THSD4: variants seen among roughly 807,000 people sequenced by gnomAD.
The protein encoded by THSD4 is thrombospondin type-1 domain-containing protein 4.
In THSD4, 69 loss-of-function variants were observed where a neutral mutation model predicts 119.0. The ratio of observed to expected loss-of-function variants is 0.58; its 90% confidence interval spans 0.48 to 0.71. THSD4 has a LOEUF of 0.71. Ranked by LOEUF, THSD4 falls within the 30% of genes least tolerant of loss-of-function variation. THSD4 has a pLI of 0.00. For synonymous variants in THSD4, 524 were observed against 540.4 expected (o/e 0.97, Z 0.42); for missense variants, 1,393 against 1,391.1 (o/e 1.00, Z -0.02).
chr15:71,693,017 A>G (rs931744243), intron 8 of THSD4, among the ~76,000 whole-genome samples: 4 of 152,162 alleles, frequency 2.6e-5, no homozygotes, highest in African/African-American at 9.7e-5. Flanking sequence ...AAAGGGAGAT[A>G]AAAAGGTCTC....
At chr15:71,543,745 G>T (rs1187683764) in intron 7 of THSD4, among the ~76,000 whole-genome samples, 2 of 152,136 alleles carry the variant, frequency 1.3e-5, no homozygotes, top group Non-Finnish European at 2.9e-5. Context: ...TCACAGATGT[G>T]GGCCGGGTGT....
At chr15:71,611,439 A>C (rs2050224900) in intron 7 of THSD4, among the ~76,000 whole-genome samples, 1 of 151,988 alleles carries the variant, frequency 6.6e-6, no homozygotes, top group African/African-American at 2.4e-5. Flanking sequence ...CCCGGCAAAA[A>C]CCCCTATGCT....
intron 6 of THSD4, among the ~76,000 whole-genome samples, chr15:71,360,520 C>T (rs1264348943): frequency 2.6e-5 from 4 of 152,190 alleles, no homozygotes; most frequent in African/African-American, 9.7e-5. Context: ...AAAAAAATCC[C>T]TCTTAGCCAT....
At chr15:71,386,409 C>T (rs573633611) in intron 6 of THSD4, among the ~76,000 whole-genome samples, 1 of 151,978 alleles carries the variant, frequency 6.6e-6, no homozygotes, top group Admixed American at 6.5e-5. Context: ...GAGGACCTGC[C>T]CAAAGCATGT....
chr15:71,651,977 A>T (rs1440202421), intron 7 of THSD4, among the ~76,000 whole-genome samples: 2 of 152,174 alleles, frequency 1.3e-5, no homozygotes, highest in Non-Finnish European at 2.9e-5. Flanking sequence ...GGCCATGGGG[A>T]CGGTCCCGTG....
intron 8 of THSD4, among the ~76,000 whole-genome samples, chr15:71,699,043 A>T: frequency 6.6e-6 from 1 of 152,166 alleles, no homozygotes; most frequent in Non-Finnish European, 1.5e-5. Context: ...ATACTTAAAA[A>T]TGTGTTAAAA....
chr15:71,765,738 A>G (rs2053704659), intron 16 of THSD4, among the ~76,000 whole-genome samples: 1 of 152,036 alleles, frequency 6.6e-6, no homozygotes, highest in Admixed American at 6.5e-5. Flanking sequence ...CCCATCTCTG[A>G]AAAACATTTT....
chr15:71,323,272 ATTT>A (rs2045296745), intron 6 of THSD4, among the ~76,000 whole-genome samples: 1 of 152,142 alleles, frequency 6.6e-6, no homozygotes, highest in Non-Finnish European at 1.5e-5. Flanking sequence ...GCAGGGGGCC[ATTT>A]CAGAAGCTGA....
At chr15:71,594,225 T>C (rs2049864605) in intron 7 of THSD4, among the ~76,000 whole-genome samples, 1 of 151,820 alleles carries the variant, frequency 6.6e-6, no homozygotes, top group South Asian at 2.1e-4. Context: ...TTTTTTTTTT[T>C]CCTGAGATAA....
intron 3 of THSD4, among the ~76,000 whole-genome samples, chr15:71,163,204 A>C (rs961239309): frequency 4.7e-5 from 7 of 148,108 alleles, no homozygotes; most frequent in Non-Finnish European, 9.0e-5. Context: ...TTGCTTTTTC[A>C]TGTTTCTTGT....
chr15:71,221,460 C>T (rs1480614647), intron 4 of THSD4, among the ~76,000 whole-genome samples: 2 of 152,158 alleles, frequency 1.3e-5, no homozygotes, highest in Admixed American at 1.3e-4. Flanking sequence ...CACCGCAGCC[C>T]TTAGCCAACC....
At chr15:71,616,694 C>T (rs892497866) in intron 7 of THSD4, among the ~76,000 whole-genome samples, 33 of 152,296 alleles carry the variant, frequency 2.2e-4, no homozygotes, top group African/African-American at 7.5e-4. Context: ...TGCACCCAGA[C>T]GCAAAGAGCT....
Position 71,681,872 on chromosome 15 carries a change from A to G in THSD4, c.1357+21138A>G, listed in dbSNP as rs575518801. Among the ~76,000 whole-genome samples the G allele has an allele frequency of 4.3e-4, 66 of 152,200 alleles. No individual in the cohort carries two copies. In the South Asian group the frequency reaches 0.011, roughly 25 times the overall value. On this transcript the variant is annotated intron_variant, in intron 8 of 17. Transcript: ENST00000261862. ...ACTTGTATTTCAGACCTAGGCAAGTATGAGGATTGGGCTATTAGATGTTCC... is the reference window on the plus strand; with the variant it reads ...ACTTGTATTTCAGACCTAGGCAAGTGTGAGGATTGGGCTATTAGATGTTCC...
intron 7 of THSD4, among the ~76,000 whole-genome samples, chr15:71,491,074 G>T (rs925370020): frequency 6.6e-6 from 1 of 152,168 alleles, no homozygotes; most frequent in African/African-American, 2.4e-5. Context: ...CCCAAGAAAT[G>T]GAATTACTTT....
At chr15:71,208,790 A>G (rs1472498841) in intron 3 of THSD4, among the ~76,000 whole-genome samples, 4 of 152,032 alleles carry the variant, frequency 2.6e-5, no homozygotes, top group Non-Finnish European at 5.9e-5. Flanking sequence ...GGGAGTACAG[A>G]TATGAGCCAC....
In THSD4 at chr15:71,720,033, T is replaced by C. The variant is rs28741684; in HGVS notation, c.1358-8516T>C. The stretch of plus-strand genomic sequence containing the variant: ...TGTAATAACATGTGCTTTTTTTTTT[T>C]TTCTTTTTTTTTTTTTTTTGAGACA... On this transcript the variant is annotated intron_variant, in intron 8 of 17. Transcript: ENST00000261862. 7.9e-3 allele frequency among the ~76,000 whole-genome samples: 678 copies of C among 86,320 alleles called. 2 individuals carry two copies. The highest frequency in any genetic ancestry group is 0.032 in the Middle Eastern group (4 of 126). The allele number at this position is 86,320 out of a possible 152,430, so 56.6% of individuals were successfully genotyped here.
At chr15:71,279,052 C>T (rs562316832) in intron 6 of THSD4, among the ~76,000 whole-genome samples, 5 of 152,186 alleles carry the variant, frequency 3.3e-5, no homozygotes, top group South Asian at 4.2e-4. Context: ...GACAGTGGAA[C>T]GTTTGGTTTG....
In THSD4 at chr15:71,215,363, C is replaced by T. The variant is rs918773785; in HGVS notation, c.428C>T (p.Pro143Leu). ...GPTVLRGSRH[P>L]QPQGLEVTGD... is the part of the protein sequence containing the mutation. Reference sequence around the variant, plus strand: ...ACGGTGCTGCGAGGCAGCCGGCACCCACAGCCCCAGGGCCTCGAAGTCACT... The same window carrying T: ...ACGGTGCTGCGAGGCAGCCGGCACCTACAGCCCCAGGGCCTCGAAGTCACT... Residue 143 changes from proline to leucine, a missense_variant, in exon 4 of 18, where the codon CCA (proline) becomes CTA (leucine). Physicochemically the swap from Pro to Leu is moderately conservative, Grantham distance 98 (BLOSUM62 -3). Coordinates refer to ENST00000261862, the MANE Select transcript of THSD4 (RefSeq NM_024817.3). 5 of 1,532,278 alleles carry T rather than the reference C, an allele frequency of 3.3e-6. No homozygotes were observed. In the Admixed American group the frequency reaches 9.8e-5, roughly 30 times the overall value. The allele number at this position is 1,532,278 out of a possible 1,614,324, so 94.9% of individuals were successfully genotyped here.
chr15:71,304,587 G>A (rs1878057), intron 6 of THSD4, among the ~76,000 whole-genome samples: 145,007 of 152,140 alleles, frequency 0.95, 69,510 homozygotes, highest in East Asian at 1. Context: ...AGATTCGGTC[G>A]GTATTTCCCC....
Sources: gnomAD v4.1 joint callset for allele counts (sites outside exome capture counted in the v4.1 genomes callset) on GRCh38, gnomAD v4.1.1 for gene constraint, MANE v1.5 for transcripts, NCBI Gene and HGNC (gene_info 2026-07-23, HGNC 2026-07-21) for gene names.